Variants in SMIM13 observed in about 807,000 individuals in gnomAD.
The protein encoded by SMIM13 is small integral membrane protein 13.
SMIM13 carries 3 observed loss-of-function variants against 5.9 expected under a neutral mutation model. The ratio of observed to expected loss-of-function variants is 0.51; its 90% confidence interval spans 0.23 to 1.31. The LOEUF (loss-of-function observed/expected upper bound fraction) is 1.31. Ranked by LOEUF, SMIM13 falls within the 40% of genes most tolerant of loss-of-function variation. The pLI is 0.18. For missense variants in SMIM13, 85 were observed against 109.9 expected (o/e 0.77, Z 1.01); for synonymous variants, 55 against 46.0 (o/e 1.19, Z -0.79).
chr6:11,112,090 A>G (rs961343888), intron 1 of SMIM13, among the ~76,000 whole-genome samples: 2 of 151,968 alleles, frequency 1.3e-5, no homozygotes, highest in African/African-American at 4.8e-5. Context: ...ACTGGCTGCA[A>G]CCCATTATTA....
chr6:11,114,895 C>T (rs539958490), intron 1 of SMIM13, among the ~76,000 whole-genome samples: 2 of 152,120 alleles, frequency 1.3e-5, no homozygotes, highest in South Asian at 2.1e-4. Flanking sequence ...CCACCACGCC[C>T]GGCTGTATTT....
At chr6:11,103,662 T>A in intron 1 of SMIM13, 1 of 1,513,946 alleles carries the variant, frequency 6.6e-7, no homozygotes, top group Non-Finnish European at 8.9e-7. Flanking sequence ...GCCTCTGTCG[T>A]GTTCCACTAG....
At chr6:11,114,342 T>C (rs1277901350) in intron 1 of SMIM13, among the ~76,000 whole-genome samples, 1 of 152,196 alleles carries the variant, frequency 6.6e-6, no homozygotes, top group African/African-American at 2.4e-5. Context: ...TAGGGCCTTA[T>C]AATGTTGCAA....
In SMIM13 at chr6:11,093,854, G is replaced by A. The variant is rs1757884602; in HGVS notation, c.-460G>A. On this transcript the variant is annotated 5_prime_UTR_variant, in exon 1 of 2. Transcript: ENST00000416247. Reference sequence around the variant, plus strand: ...GGGGCGGAGAAGCCGCTACAGCCGCGGCCGGGCGACGCTGACATCTGGCAT... The same window carrying A: ...GGGGCGGAGAAGCCGCTACAGCCGCAGCCGGGCGACGCTGACATCTGGCAT... 6.6e-6 allele frequency among the ~76,000 whole-genome samples: 1 copy of A among 152,244 alleles called. No homozygotes were observed. Among genetic ancestry groups the A allele is most frequent in the Non-Finnish European group, 1.5e-5 (1 of 68,044 alleles).
In SMIM13 at chr6:11,138,710, T is replaced by C. The variant is rs771254420; in HGVS notation, c.*4108T>C. On this transcript the variant is annotated 3_prime_UTR_variant, in exon 2 of 2. Transcript: ENST00000416247. ...GTTTTAACTTTCACTTTAAACTGCA[T>C]AGAATAAATTAAATTGAAAACAACA... 1 of 152,142 alleles carries C rather than the reference T, an allele frequency of 6.6e-6. No homozygotes were observed. Among genetic ancestry groups the C allele is most frequent in the Admixed American group, 6.5e-5 (1 of 15,276 alleles). The allele number at this position is 152,142 out of a possible 1,614,324, so 9.4% of individuals were successfully genotyped here. A position where few individuals can be genotyped will look rare whatever the true frequency, so the allele number is the denominator to read the frequency against.
intron 1 of SMIM13, chr6:11,104,328 A>G: frequency 1.3e-6 from 2 of 1,551,724 alleles, no homozygotes; most frequent in South Asian, 1.2e-5. Context: ...GCCAGGGGCT[A>G]TGAAGATGTC....
At chr6:11,121,189 CT>C (rs1251383857) in intron 1 of SMIM13, among the ~76,000 whole-genome samples, 1 of 152,194 alleles carries the variant, frequency 6.6e-6, no homozygotes, top group African/African-American at 2.4e-5. Context: ...CAAAACCCAT[CT>C]TAACAATCAG....
chr6:11,127,360 T>C (rs1581920675), intron 1 of SMIM13, among the ~76,000 whole-genome samples: 2 of 152,308 alleles, frequency 1.3e-5, no homozygotes, highest in East Asian at 3.9e-4. Context: ...AGTCTTCCCT[T>C]TCCTCAAACA....
chr6:11,116,937 ACTTTT>A (rs368090358), intron 1 of SMIM13, among the ~76,000 whole-genome samples: 119 of 132,350 alleles, frequency 9.0e-4, no homozygotes, highest in African/African-American at 3.3e-3. Context: ...TTGATTTTAG[ACTTTT>A]CTTATTTTTA....
At chr6:11,119,225 A>T (rs890085097) in intron 1 of SMIM13, among the ~76,000 whole-genome samples, 3 of 152,250 alleles carry the variant, frequency 2.0e-5, no homozygotes, top group Non-Finnish European at 2.9e-5. Context: ...GGAGACAGAC[A>T]GCAGACACAT....
At chr6:11,097,625 A>G (rs958525371) in intron 1 of SMIM13, among the ~76,000 whole-genome samples, 1 of 151,422 alleles carries the variant, frequency 6.6e-6, no homozygotes, top group Admixed American at 6.6e-5. Flanking sequence ...CCGACATTGC[A>G]CCATAGCACT....
At chr6:11,133,693 G>A (rs1024329116) in intron 1 of SMIM13, among the ~76,000 whole-genome samples, 2 of 151,178 alleles carry the variant, frequency 1.3e-5, no homozygotes, top group Non-Finnish European at 2.9e-5. Context: ...TTCCTTATTA[G>A]CGAACATTTA....
intron 1 of SMIM13, among the ~76,000 whole-genome samples, chr6:11,123,553 G>A (rs1758338224): frequency 6.6e-6 from 1 of 152,160 alleles, no homozygotes; most frequent in Non-Finnish European, 1.5e-5. Flanking sequence ...AAGGAGTGTG[G>A]CATACCAGAA....
At chr6:11,099,657 G>A (rs149414199) in intron 1 of SMIM13, among the ~76,000 whole-genome samples, 148 of 152,240 alleles carry the variant, frequency 9.7e-4, no homozygotes, top group African/African-American at 3.3e-3. Context: ...GAATACCCAA[G>A]CTCCTACAAA....
chr6:11,105,395 A>G, intron 1 of SMIM13: 1 of 995,246 alleles, frequency 1.0e-6, no homozygotes, highest in South Asian at 1.7e-5. Context: ...TAGTGATAAC[A>G]ATCAGAGCAA....
chr6:11,134,194 A>G (rs1241591314), intron 1 of SMIM13, among the ~76,000 whole-genome samples: 2 of 152,180 alleles, frequency 1.3e-5, no homozygotes, highest in African/African-American at 2.4e-5. Context: ...TCTAAATTCT[A>G]TGAGGGTAGA....
intron 1 of SMIM13, among the ~76,000 whole-genome samples, chr6:11,096,966 C>T (rs1329107966): frequency 6.6e-6 from 1 of 152,230 alleles, no homozygotes; most frequent in African/African-American, 2.4e-5. Flanking sequence ...GCTGGGATTA[C>T]AGGCGTGAGC....
intron 1 of SMIM13, chr6:11,103,459 CT>C: frequency 1.8e-6 from 1 of 551,092 alleles, no homozygotes; most frequent in Admixed American, 3.5e-5. Flanking sequence ...ATTTCCCCCC[CT>C]CAAGAGTCCA....
rs892863224 is a variant in SMIM13 at position 11,111,172 on chromosome 6, G to A, written c.76+16783G>A. On this transcript the variant is annotated intron_variant, in intron 1 of 1. Transcript: ENST00000416247. ...CAGGCTAACACAGCAAGAGCTGCGG[G>A]TGCATGAATAACAAATAGGGAATGT... Among the ~76,000 whole-genome samples the A allele has an allele frequency of 2.0e-5, 3 of 152,272 alleles. No individual in the cohort carries two copies. In the South Asian group the frequency reaches 6.2e-4, roughly 32 times the overall value.
Sources: allele counts gnomAD v4.1 joint callset (sites outside exome capture counted in the v4.1 genomes callset), GRCh38; gene constraint gnomAD v4.1.1; transcripts MANE v1.5; gene names NCBI Gene and HGNC (gene_info 2026-07-23, HGNC 2026-07-21).